The following DHX9 variants were observed in gnomAD, a reference collection of about 807,000 sequenced individuals.
The protein encoded by DHX9 is DExH-box helicase 9.
Under a neutral mutation model 148.7 loss-of-function variants are expected in DHX9, and 27 were observed. The observed-to-expected ratio is 0.18, with a 90% confidence interval of 0.13 to 0.25. DHX9 has a LOEUF of 0.25. Ranked by LOEUF, DHX9 falls within the 10% of genes least tolerant of loss-of-function variation. DHX9 has a pLI of 1.00. For missense variants in DHX9, 796 were observed against 1,559.6 expected, an observed-to-expected ratio of 0.51 and a Z score of 8.25; for synonymous variants, 529 against 516.6, an observed-to-expected ratio of 1.02 and a Z score of -0.33.
intron 12 of DHX9, 141 bp from the exon 13 acceptor site, chr1:182,866,303 A>T: frequency 1.2e-6 from 1 of 852,570 alleles, no homozygotes. Context: ...AGAACCAAAT[A>T]GTATTTTTTG....
chr1:182,866,385 A>G, intron 12 of DHX9, 59 bp from the exon 13 acceptor site: 2 of 1,564,056 alleles, frequency 1.3e-6, no homozygotes, highest in Non-Finnish European at 1.7e-6. Context: ...AAAAATGCTA[A>G]TAAACAAGTA....
chr1:182,848,518 G>A (rs867083794), intron 3 of DHX9, among the ~76,000 whole-genome samples: 48 of 152,216 alleles, frequency 3.2e-4, no homozygotes, highest in Middle Eastern at 6.8e-3. Flanking sequence ...TTTTTAGTTC[G>A]TTGCTGTGTC....
At chr1:182,855,037 C>T (rs1668229330) in intron 6 of DHX9, among the ~76,000 whole-genome samples, 1 of 152,118 alleles carries the variant, frequency 6.6e-6, no homozygotes, top group Non-Finnish European at 1.5e-5. Flanking sequence ...ATGCATCTAG[C>T]GACCCTGAAA....
At position 182,872,259 on chromosome 1, in the gene DHX9, G is replaced by T. The variant is rs181846104; in HGVS notation, c.1558-78G>T. ...AACTGAATTTAATTGATGTCTTATG[G>T]CTGTATAACTCTTTTAGGCATAGCT... On this transcript the variant is annotated intron_variant, in intron 14 of 27. Coordinates refer to ENST00000367549, the MANE Select transcript of DHX9 (RefSeq NM_001357.5). The T allele has an allele frequency of 9.0e-5, 108 of 1,195,072 alleles. No homozygotes were observed. The African/African-American group carries it at 1.6e-3, about 18-fold the overall frequency. The allele number at this position is 1,195,072 out of a possible 1,614,324, so 74.0% of individuals were successfully genotyped here.
At chr1:182,877,025 T>A (rs769134527) in intron 19 of DHX9, 122 bp downstream of exon 19, 12 of 638,110 alleles carry the variant, frequency 1.9e-5, no homozygotes, top group Non-Finnish European at 2.8e-5. Context: ...CCAAAATTAT[T>A]GTGCATCTAT....
rs1557982771 is a variant in DHX9 at position 182,887,304 on chromosome 1, G to A, written c.3683G>A (p.Gly1228Asp). ...GGAGTTTCCCGAGGTGGCTTTAGAG[G>A]CAACTCTGGAGGAGACTACAGAGGG... ...YRGVSRGGFR[G>D]NSGGDYRGPS... Residue 1228 changes from glycine (G) to aspartate (D), a missense_variant, in exon 28 of 28, where the codon GGC becomes GAC. Gly to Asp is a moderately conservative substitution (Grantham distance 94, BLOSUM62 -1). Transcript: ENST00000367549. 6.2e-7 allele frequency: 1 copy of A among 1,614,182 alleles called. No individual in the cohort carries two copies. The highest frequency in any genetic ancestry group is 1.7e-5 in the Admixed American group (1 of 60,018).
At chr1:182,855,584 A>C in intron 6 of DHX9, 1 of 985,424 alleles carries the variant, frequency 1.0e-6, no homozygotes, top group Non-Finnish European at 1.2e-6. Context: ...TAGGTGGAGG[A>C]GAATGAGATT....
chr1:182,881,290 C>G lies in DHX9; in HGVS notation c.2651C>G (p.Ala884Gly). The change falls in exon 23 of 28, where the codon GCT becomes GGT. Residue 884 changes from alanine (A) to glycine (G), a missense_variant. Around this residue, in one of 14 missense-constraint regions of DHX9, gnomAD observed 122 missense variants for 289.3 expected, o/e 0.42. Coordinates refer to ENST00000367549, the MANE Select transcript of DHX9 (RefSeq NM_001357.5). ...GTGGGAGATGCTATCTGTACCATTG[C>G]TGCTGCTACCTGCTTTCCAGAGCCT... ...FYVGDAICTI[A>G]AATCFPEPFI... 1 of 1,613,956 alleles carries G rather than the reference C, an allele frequency of 6.2e-7. No individual in the cohort carries two copies.
rs760693856 is a variant in DHX9 at position 182,842,670 on chromosome 1, T to C, written c.104T>C (p.Met35Thr). ...AVGNKNRQKF[M>T]CEVQVEGYNY... ...GGGAACAAAAACAGGCAGAAATTCA[T>C]GTGTGAGGTACTGAAGAATACAGTT... Residue 35 changes from methionine (M) to threonine (T), a missense_variant, in exon 2 of 28, where the codon ATG becomes ACG. Physicochemically the swap from Met to Thr is moderately conservative, Grantham distance 81. Coordinates refer to ENST00000367549, the MANE Select transcript of DHX9 (RefSeq NM_001357.5). The C allele has an allele frequency of 6.2e-7, 1 of 1,611,708 alleles. No individual in the cohort carries two copies. Among genetic ancestry groups the C allele is most frequent in the Non-Finnish European group, 8.5e-7 (1 of 1,178,304 alleles).
chr1:182,879,450 C>T (rs372521504), intron 21 of DHX9, 40 bp downstream of exon 21: 15 of 1,394,848 alleles, frequency 1.1e-5, no homozygotes, highest in Non-Finnish European at 1.3e-5. Flanking sequence ...AGATATTAAT[C>T]ATACCATCTG....
At chr1:182,868,963 TA>T (rs1393676396) in intron 14 of DHX9, among the ~76,000 whole-genome samples, 2 of 152,232 alleles carry the variant, frequency 1.3e-5, no homozygotes, top group Non-Finnish European at 2.9e-5. Context: ...GGAAACTTTA[TA>T]GGTTTTTCCT....
chr1:182,858,773 A>G lies in DHX9; in HGVS notation c.941A>G (p.Lys314Arg), dbSNP rs1668302337. 2.5e-6 allele frequency: 4 copies of G among 1,614,088 alleles called. No homozygotes were observed. Among genetic ancestry groups the G allele is most frequent in the South Asian group, 1.1e-5 (1 of 91,090 alleles). The part of the protein sequence containing the change: ...PSVPVALNIG[K>R]LAQFEPSQRQ... The stretch of plus-strand genomic sequence containing the variant: ...GTGCCAGTTGCACTCAACATTGGCA[A>G]ATTGGCTCAGTTCGAACCATCTCAG... The change falls in exon 10 of 28, where the codon AAA becomes AGA. Residue 314 changes from lysine to arginine, a missense_variant. This residue lies in a region of DHX9 where 63 missense variants were observed against 78.6 expected (regional missense o/e 0.80). Transcript: ENST00000367549.
intron 6 of DHX9, among the ~76,000 whole-genome samples, chr1:182,855,056 A>G (rs1467316637): frequency 6.6e-6 from 1 of 151,792 alleles, no homozygotes; most frequent in Non-Finnish European, 1.5e-5. Flanking sequence ...AATAATTAAT[A>G]TTAATACAAA....
At chr1:182,848,563 A>G (rs547543666) in intron 3 of DHX9, among the ~76,000 whole-genome samples, 52 of 152,274 alleles carry the variant, frequency 3.4e-4, no homozygotes, top group African/African-American at 1.1e-3. Context: ...TCTATAGCAG[A>G]TACTTAAATG....
chr1:182,854,321 CAAG>C, intron 6 of DHX9, 143 bp downstream of exon 6: 1 of 791,950 alleles, frequency 1.3e-6, no homozygotes, highest in Non-Finnish European at 1.9e-6. Flanking sequence ...TTAATTTGCA[CAAG>C]AATAATTATT....
Position 182,858,225 on chromosome 1 carries a change from G to C in DHX9, c.795G>C (p.Lys265Asn). The C allele has an allele frequency of 6.2e-7, 1 of 1,613,618 alleles. No homozygotes were observed. Among genetic ancestry groups the C allele is most frequent in the Non-Finnish European group, 8.5e-7 (1 of 1,179,892 alleles). The change falls in exon 8 of 28, where the codon AAG becomes AAC. Residue 265 changes from lysine to asparagine, a missense_variant. Physicochemically the swap from Lys to Asn is moderately conservative, Grantham distance 94. This residue lies in a region of DHX9 where 63 missense variants were observed against 78.6 expected (regional missense o/e 0.80). Transcript: ENST00000367549. ...AAGCTTACTCCGGACTTACAAAGAA[G>C]AAGGAAGGAGAGACAGTGAGTCTTT... ...VVEAYSGLTK[K>N]KEGETVEPYK...
Position 182,887,472 on chromosome 1 carries a change from G to GA in DHX9, c.*45dup. 2.6e-6 allele frequency: 4 copies of GA among 1,543,944 alleles called. No homozygotes were observed. The highest frequency in any genetic ancestry group is 1.2e-5 in the South Asian group (1 of 85,012). ...TCAGTTCCTGTGTGTAGACAGTAAG[G>GA]AAAAAAAGGCATGCTATGTGTTACG... On this transcript the variant is annotated 3_prime_UTR_variant, in exon 28 of 28. Coordinates refer to ENST00000367549, the MANE Select transcript of DHX9 (RefSeq NM_001357.5).
chr1:182,874,572 G>A (rs1648679609), intron 15 of DHX9, among the ~76,000 whole-genome samples: 2 of 152,190 alleles, frequency 1.3e-5, no homozygotes, highest in Admixed American at 6.5e-5. Flanking sequence ...CAATGGAAGT[G>A]TATAGATAAA....
intron 14 of DHX9, among the ~76,000 whole-genome samples, chr1:182,869,881 T>C (rs956320383): frequency 6.6e-6 from 1 of 152,226 alleles, no homozygotes; most frequent in African/African-American, 2.4e-5. Context: ...TTTACAGGCA[T>C]GAGCCACTGT....
Sources: allele counts gnomAD v4.1 joint callset (sites outside exome capture counted in the v4.1 genomes callset), GRCh38; gene constraint gnomAD v4.1.1; regional missense constraint gnomAD v4.1.1; transcripts MANE v1.5; gene names NCBI Gene and HGNC (gene_info 2026-07-23, HGNC 2026-07-21).